Variants in SMIM14 observed in about 807,000 individuals in gnomAD.
SMIM14 encodes the protein chromosome 4 open reading frame 34.
SMIM14 carries 5 observed loss-of-function variants against 12.6 expected under a neutral mutation model. The observed-to-expected ratio is 0.40, with a 90% CI of 0.21 to 0.83. SMIM14 has a LOEUF of 0.83. Ranked by LOEUF, SMIM14 falls within the 40% of genes least tolerant of loss-of-function variation. The pLI, the probability that SMIM14 is intolerant of heterozygous loss-of-function variation, is 0.37. For missense variants in SMIM14, 86 were observed against 119.1 expected (o/e 0.72, Z 1.29); for synonymous variants, 30 against 40.1 (o/e 0.75, Z 0.95).
At chr4:39,586,467 T>C (rs1321874151) in intron 2 of SMIM14, among the ~76,000 whole-genome samples, 1 of 152,072 alleles carries the variant, frequency 6.6e-6, no homozygotes, top group East Asian at 1.9e-4. Context: ...CCAGTAACGT[T>C]CTTCATTTCT....
At chr4:39,604,523 C>A in intron 2 of SMIM14, among the ~76,000 whole-genome samples, 1 of 151,662 alleles carries the variant, frequency 6.6e-6, no homozygotes, top group South Asian at 2.1e-4. Flanking sequence ...TGCAACAGAG[C>A]GAGACTCCAT....
chr4:39,548,651 G>A lies in SMIM14; in HGVS notation c.*3475C>T, dbSNP rs1711528515. On this transcript the variant is annotated 3_prime_UTR_variant, in exon 5 of 5. Transcript: ENST00000295958. Reference sequence around the variant, plus strand: ...AAGCCAAATAATGATTTAAGAGTGTGCTCAATAAAAAGGCCATAGGTTTAA... The same window carrying A: ...AAGCCAAATAATGATTTAAGAGTGTACTCAATAAAAAGGCCATAGGTTTAA... 1 of 152,086 alleles carries A rather than the reference G, an allele frequency of 6.6e-6. No individual in the cohort carries two copies. The highest frequency in any genetic ancestry group is 2.1e-4 in the South Asian group (1 of 4,824). The allele number at this position is 152,086 out of a possible 1,614,324, so 9.4% of individuals were successfully genotyped here. A position where few individuals can be genotyped will look rare whatever the true frequency, so the allele number is the denominator to read the frequency against.
chr4:39,634,665 T>G (rs922344721), intron 1 of SMIM14, among the ~76,000 whole-genome samples: 4 of 152,210 alleles, frequency 2.6e-5, no homozygotes, highest in Non-Finnish European at 5.9e-5. Flanking sequence ...AAGTTTGATA[T>G]GCATTAAAAT....
chr4:39,576,561 G>A (rs1713175837), intron 2 of SMIM14, among the ~76,000 whole-genome samples: 1 of 147,688 alleles, frequency 6.8e-6, no homozygotes, highest in Admixed American at 6.9e-5. Context: ...TCTCTACAAA[G>A]GCTCAGATCA....
chr4:39,556,015 A>T (rs1711991614), intron 4 of SMIM14, among the ~76,000 whole-genome samples: 1 of 152,202 alleles, frequency 6.6e-6, no homozygotes, highest in Admixed American at 6.5e-5. Flanking sequence ...CTACAAAAAA[A>T]TACAAAAAAC....
chr4:39,610,696 T>TAA (rs368297350), intron 1 of SMIM14, among the ~76,000 whole-genome samples: 34 of 133,640 alleles, frequency 2.5e-4, no homozygotes, highest in Non-Finnish European at 3.2e-4. Context: ...CCTGGTCTCT[T>TAA]AAAAAAAAAA....
intron 2 of SMIM14, among the ~76,000 whole-genome samples, chr4:39,598,387 C>T (rs1177311139): frequency 1.3e-5 from 2 of 152,180 alleles, no homozygotes; most frequent in African/African-American, 4.8e-5. Context: ...CCTCCAGAGG[C>T]AACCATTTTC....
In SMIM14 at chr4:39,546,507, G is replaced by A. The variant is rs763411494; in HGVS notation, c.*5619C>T. On this transcript the variant is annotated 3_prime_UTR_variant, in exon 5 of 5. Transcript: ENST00000295958. The stretch of plus-strand genomic sequence containing the variant: ...GGTGTTTATGGAGCATCTTTTGGAG[G>A]GGGGGGAACCCCCAACAACTCTACA... 4 of 148,498 alleles carry A rather than the reference G, an allele frequency of 2.7e-5. No individual in the cohort carries two copies. Among genetic ancestry groups the A allele is most frequent in the Non-Finnish European group, 5.9e-5 (4 of 67,974 alleles). The allele number at this position is 148,498 out of a possible 1,614,324, so 9.2% of individuals were successfully genotyped here.
chr4:39,549,337 T>G lies in SMIM14; in HGVS notation c.*2789A>C, dbSNP rs1345323447. 6.6e-6 allele frequency: 1 copy of G among 151,944 alleles called. No individual in the cohort carries two copies. The highest frequency in any genetic ancestry group is 2.4e-5 in the African/African-American group (1 of 41,264). The allele number at this position is 151,944 out of a possible 1,614,324, so 9.4% of individuals were successfully genotyped here. ...TCTCACTCTGTCACTCAAGCTGGAG[T>G]GCAGTGGCGTGATCTTGGCTTACTG... is the stretch of plus-strand genomic sequence containing the variant. On this transcript the variant is annotated 3_prime_UTR_variant, in exon 5 of 5. Coordinates refer to ENST00000295958, the MANE Select transcript of SMIM14 (RefSeq NM_174921.3).
intron 3 of SMIM14, among the ~76,000 whole-genome samples, 163 bp downstream of exon 3, chr4:39,572,252 T>A (rs946201969): frequency 1.3e-5 from 2 of 148,858 alleles, no homozygotes; most frequent in African/African-American, 4.9e-5. Context: ...ACTATGAGAA[T>A]AATTTCTTTT....
intron 1 of SMIM14, among the ~76,000 whole-genome samples, chr4:39,631,902 C>A (rs1715912526): frequency 6.6e-6 from 1 of 150,564 alleles, no homozygotes. Context: ...CACATCTGTG[C>A]TTTGGCCTAA....
intron 1 of SMIM14, among the ~76,000 whole-genome samples, chr4:39,609,571 A>T (rs2110062946): frequency 6.6e-6 from 1 of 152,270 alleles, no homozygotes; most frequent in South Asian, 2.1e-4. Flanking sequence ...TGTTGGAGGA[A>T]CTGAAAGAAA....
At chr4:39,577,175 G>A (rs1713245156) in intron 2 of SMIM14, among the ~76,000 whole-genome samples, 3 of 151,584 alleles carry the variant, frequency 2.0e-5, no homozygotes, top group Admixed American at 1.3e-4. Flanking sequence ...CTTCCACCAG[G>A]AGGAGGAGGA....
chr4:39,559,045 C>T (rs1009542068), intron 3 of SMIM14, among the ~76,000 whole-genome samples: 1 of 152,174 alleles, frequency 6.6e-6, no homozygotes, highest in African/African-American at 2.4e-5. Context: ...TCAGCTGTAA[C>T]CAAGCTATCC....
chr4:39,586,411 C>A (rs1489827482), intron 2 of SMIM14, among the ~76,000 whole-genome samples: 1 of 152,038 alleles, frequency 6.6e-6, no homozygotes, highest in South Asian at 2.1e-4. Flanking sequence ...ATAATTCAGC[C>A]AAGTTCTTTG....
intron 3 of SMIM14, among the ~76,000 whole-genome samples, chr4:39,562,796 C>CG (rs1712375305): frequency 6.6e-6 from 1 of 151,604 alleles, no homozygotes; most frequent in African/African-American, 2.4e-5. Context: ...CATGAGCGAC[C>CG]CCACCTGACC....
At chr4:39,618,763 T>C (rs114410996) in intron 1 of SMIM14, among the ~76,000 whole-genome samples, 2,782 of 152,138 alleles carry the variant, frequency 0.018, 106 homozygotes, top group African/African-American at 0.062. Context: ...GCAAGTACCA[T>C]TGCATAATAG....
chr4:39,551,957 G>A lies in SMIM14; in HGVS notation c.*169C>T. The A allele has an allele frequency of 4.3e-6, 2 of 460,150 alleles. No homozygotes were observed. Among genetic ancestry groups the A allele is most frequent in the Non-Finnish European group, 3.9e-6 (1 of 257,610 alleles). The allele number at this position is 460,150 out of a possible 1,614,324, so 28.5% of individuals were successfully genotyped here. A position where few individuals can be genotyped will look rare whatever the true frequency, so the allele number is the denominator to read the frequency against. On this transcript the variant is annotated 3_prime_UTR_variant, in exon 5 of 5. Transcript: ENST00000295958. Reference sequence around the variant, plus strand: ...AATAGGAATGGCAGTAACACAGGAAGCAAAAATAAACTTGCAAGTGAAATT... The same window carrying A: ...AATAGGAATGGCAGTAACACAGGAAACAAAAATAAACTTGCAAGTGAAATT...
intron 1 of SMIM14, among the ~76,000 whole-genome samples, chr4:39,636,111 T>A (rs749349262): frequency 1.4e-5 from 2 of 142,720 alleles, no homozygotes; most frequent in Non-Finnish European, 3.0e-5. Flanking sequence ...AGGCAGAGGT[T>A]GCAGTGAGCT....
Sources: gnomAD v4.1 joint callset for allele counts (sites outside exome capture counted in the v4.1 genomes callset) on GRCh38, gnomAD v4.1.1 for gene constraint, MANE v1.5 for transcripts, NCBI Gene and HGNC (gene_info 2026-07-23, HGNC 2026-07-21) for gene names.